The following SLC2A1 variants were observed in gnomAD, a reference collection of about 807,000 sequenced individuals.
The protein encoded by SLC2A1 is solute carrier family 2 member 1.
Under a neutral mutation model 46.6 loss-of-function variants are expected in SLC2A1, and 4 were observed. The observed-to-expected ratio is 0.09, with a 90% CI of 0.04 to 0.20. The LOEUF (loss-of-function observed/expected upper bound fraction) is 0.20, where lower values mean the gene tolerates loss of function less well. Ranked by LOEUF, SLC2A1 falls within the 10% of genes least tolerant of loss-of-function variation. The pLI is 1.00. For missense variants in SLC2A1, 352 were observed against 667.0 expected (o/e 0.53, Z 5.20); for synonymous variants, 253 against 270.0 (o/e 0.94, Z 0.62).
intron 1 of SLC2A1, among the ~76,000 whole-genome samples, chr1:42,948,542 G>T (rs549208401): frequency 7.9e-5 from 12 of 152,274 alleles, no homozygotes; most frequent in Admixed American, 5.2e-4. Context: ...TCAAAGGAGT[G>T]GGGGAGGGGT....
chr1:42,935,516 C>T (rs1475513251), intron 2 of SLC2A1, among the ~76,000 whole-genome samples: 2 of 152,218 alleles, frequency 1.3e-5, no homozygotes, highest in African/African-American at 4.8e-5. Context: ...CTGTTGCTCT[C>T]TCAAGAAAAG....
At chr1:42,956,886 C>G (rs916672100) in intron 1 of SLC2A1, among the ~76,000 whole-genome samples, 2 of 152,226 alleles carry the variant, frequency 1.3e-5, no homozygotes, top group Non-Finnish European at 1.5e-5. Flanking sequence ...CACTTACTAG[C>G]TGTGTGACTT....
rs138052136 is a variant in SLC2A1 at position 42,943,042 on chromosome 1, C to T, written c.114+184G>A. 1.7e-4 allele frequency: 109 copies of T among 642,830 alleles called. 1 individual carries two copies. The highest frequency in any genetic ancestry group is 1.6e-3 in the African/African-American group (91 of 55,786). The allele number at this position is 642,830 out of a possible 1,614,324, so 39.8% of individuals were successfully genotyped here. ...CCTGAGATTCTAGAATTCTGCCACC[C>T]TGATTCCAAAGCAAGAGAAGAGTCT... On this transcript the variant is annotated intron_variant, in intron 2 of 9. Transcript: ENST00000426263.
chr1:42,958,182 C>G (rs897348101), intron 1 of SLC2A1, among the ~76,000 whole-genome samples: 1 of 151,900 alleles, frequency 6.6e-6, no homozygotes, highest in Non-Finnish European at 1.5e-5. Context: ...GACTCCTCCG[C>G]GCGCCGGGGC....
chr1:42,931,500 A>G (rs1643489694), intron 2 of SLC2A1, among the ~76,000 whole-genome samples: 1 of 152,108 alleles, frequency 6.6e-6, no homozygotes, highest in Non-Finnish European at 1.5e-5. Flanking sequence ...GATGATGGCA[A>G]GTGATCAGTG....
Position 42,928,947 on chromosome 1 carries a change from G to A in SLC2A1, c.1059C>T (p.Ile353=), listed in dbSNP as rs372092107. The part of the protein sequence containing the change: ...GMAGCAILMT[I]ALALLEQLPW... ...AGCAACTCACCAGCAGTGCTAGCGCGATGGTCATGAGTATGGCACAACCCG... is the reference window on the plus strand; with the variant it reads ...AGCAACTCACCAGCAGTGCTAGCGCAATGGTCATGAGTATGGCACAACCCG... The change falls in exon 8 of 10, where the codon ATC becomes ATT. Residue 353 remains isoleucine, a synonymous_variant. Transcript: ENST00000426263. The A allele has an allele frequency of 1.7e-4, 274 of 1,613,920 alleles. 1 individual carries two copies. In the South Asian group the frequency reaches 2.6e-3, roughly 15 times the overall value.
At chr1:42,946,832 G>A (rs1049588723) in intron 1 of SLC2A1, among the ~76,000 whole-genome samples, 1 of 152,152 alleles carries the variant, frequency 6.6e-6, no homozygotes, top group East Asian at 1.9e-4. Context: ...CACTATAGCC[G>A]GCTTGATCAT....
intron 2 of SLC2A1, chr1:42,943,010 T>C: frequency 1.6e-6 from 1 of 612,704 alleles, no homozygotes; most frequent in Non-Finnish European, 2.9e-6. Context: ...CCCAGGATTC[T>C]GTGGGACCTG....
In SLC2A1 at chr1:42,930,875, G is replaced by A. The variant is rs529579952; in HGVS notation, c.276-9C>T. 2.7e-5 allele frequency: 44 copies of A among 1,601,304 alleles called. 1 individual carries two copies. The East Asian group carries it at 5.3e-4, about 19-fold the overall frequency. The stretch of plus-strand genomic sequence containing the variant: ...TCAGCATTGAATTCCGCCTGGGGAC[G>A]GGGTCACAGGTCAGGCCAGTGCCCA... On this transcript the variant is annotated splice_polypyrimidine_tract_variant and intron_variant, in intron 3 of 9. Coordinates refer to ENST00000426263, the MANE Select transcript of SLC2A1 (RefSeq NM_006516.4). The surrounding 1 kb of genome is among the most constrained non-coding windows in gnomAD (Gnocchi z 6.2).
chr1:42,941,425 G>A (rs1406880134), intron 2 of SLC2A1, among the ~76,000 whole-genome samples: 1 of 152,066 alleles, frequency 6.6e-6, no homozygotes, highest in Non-Finnish European at 1.5e-5. Flanking sequence ...TTTACTGAAT[G>A]CCAGGCTTTC....
chr1:42,956,540 G>A (rs879826111), intron 1 of SLC2A1, among the ~76,000 whole-genome samples: 1 of 151,796 alleles, frequency 6.6e-6, no homozygotes, highest in Non-Finnish European at 1.5e-5. Flanking sequence ...AGTTGAGATC[G>A]CGCCATTGCA....
Position 42,930,392 on chromosome 1 carries a change from C to A in SLC2A1, c.516+234G>T. On this transcript the variant is annotated intron_variant, in intron 4 of 9. Transcript: ENST00000426263. This position sits in a 1 kb window ranked among gnomAD's most constrained non-coding sequence, Gnocchi z 6.2. ...TGCGGCATGTTGGGGGAAGGCGGGC[C>A]CTGTGGTTGGAAGCCTAGAGTGAGA... The A allele has an allele frequency of 1.4e-6, 1 of 712,500 alleles. No homozygotes were observed. Among genetic ancestry groups the A allele is most frequent in the Non-Finnish European group, 2.5e-6 (1 of 392,664 alleles). 44.1% of individuals were successfully genotyped at this position (712,500 alleles called of 1,614,324 possible).
At chr1:42,941,272 G>A (rs1033359793) in intron 2 of SLC2A1, among the ~76,000 whole-genome samples, 1 of 152,112 alleles carries the variant, frequency 6.6e-6, no homozygotes, top group Non-Finnish European at 1.5e-5. Flanking sequence ...CCCCCGTGCT[G>A]GTGCCCATCC....
intron 8 of SLC2A1, among the ~76,000 whole-genome samples, chr1:42,928,309 A>G (rs886807188): frequency 6.6e-6 from 1 of 152,212 alleles, no homozygotes; most frequent in Non-Finnish European, 1.5e-5. Context: ...AAACTTTCCA[A>G]GCCCAGGTTG....
chr1:42,930,890 G>GC lies in SLC2A1; in HGVS notation c.276-25dup, dbSNP rs757092846. ...GCCTGGGGACGGGGTCACAGGTCAG[G>GC]CCAGTGCCCACATTCCTTGGGCTCC... On this transcript the variant is annotated intron_variant, in intron 3 of 9. Transcript: ENST00000426263. This position sits in a 1 kb window ranked among gnomAD's most constrained non-coding sequence, Gnocchi z 6.2. 3.0e-5 allele frequency: 48 copies of GC among 1,601,974 alleles called. No individual in the cohort carries two copies. Among genetic ancestry groups the GC allele is most frequent in the Non-Finnish European group, 3.9e-5 (46 of 1,179,914 alleles).
chr1:42,930,973 C>T lies in SLC2A1; in HGVS notation c.275+73G>A, dbSNP rs1643483396. 3 of 1,609,128 alleles carry T rather than the reference C, an allele frequency of 1.9e-6. No homozygotes were observed. The highest frequency in any genetic ancestry group is 1.7e-4 in the Middle Eastern group (1 of 6,060). ...AGGCAGATAAGTCTCCCCTACCTCC[C>T]ACCCCATCTGGGACTCCCTGGGCAG... On this transcript the variant is annotated intron_variant, in intron 3 of 9. Transcript: ENST00000426263. This position sits in a 1 kb window ranked among gnomAD's most constrained non-coding sequence, Gnocchi z 6.2.
rs542067338 is a variant in SLC2A1, at chr1:42,952,538, C to T, written c.18+6096G>A. On this transcript the variant is annotated intron_variant, in intron 1 of 9. Coordinates refer to ENST00000426263, the MANE Select transcript of SLC2A1 (RefSeq NM_006516.4). The stretch of plus-strand genomic sequence containing the variant: ...TAAGGGCCAGGGCCACGAGGCAGTG[C>T]TGCTCTAGGCTGTGCCACAGACAGC... 21 of 377,442 alleles carry T rather than the reference C, an allele frequency of 5.6e-5. No individual in the cohort carries two copies. In the East Asian group the frequency reaches 1.5e-3, roughly 27 times the overall value. 23.4% of individuals were successfully genotyped at this position (377,442 alleles called of 1,614,324 possible).
intron 1 of SLC2A1, 139 bp from the exon 2 acceptor site, chr1:42,943,460 T>G: frequency 2.7e-6 from 2 of 751,972 alleles, no homozygotes; most frequent in Non-Finnish European, 4.6e-6. Context: ...CCAGGAAACT[T>G]GGCCAATTCC....
rs368377359 is a variant in SLC2A1, at chr1:42,941,124, C to T, written c.114+2102G>A. On this transcript the variant is annotated intron_variant, in intron 2 of 9. Coordinates refer to ENST00000426263, the MANE Select transcript of SLC2A1 (RefSeq NM_006516.4). ...GGCAACTTTCTTGATGGTTTCCCGT[C>T]TCTAGTCTCACATTCTTAAGTCCGC... Among the ~76,000 whole-genome samples the T allele has an allele frequency of 1.5e-4, 23 of 152,320 alleles. 1 individual carries two copies. The highest frequency in any genetic ancestry group is 5.1e-4 in the African/African-American group (21 of 41,576).
Sources: gnomAD v4.1 joint callset for allele counts (sites outside exome capture counted in the v4.1 genomes callset) on GRCh38, gnomAD v4.1.1 for gene constraint, Gnocchi (gnomAD v3.1) non-coding constraint, MANE v1.5 for transcripts, NCBI Gene and HGNC (gene_info 2026-07-23, HGNC 2026-07-21) for gene names.